Variants in UTRN observed in about 807,000 individuals in gnomAD.
UTRN encodes the protein utrophin, also known as dystrophin-related protein 1.
UTRN carries 283 observed loss-of-function variants against 463.9 expected under a neutral mutation model. The ratio of observed to expected loss-of-function variants is 0.61; its 90% CI spans 0.55 to 0.67. UTRN has a LOEUF of 0.67. UTRN is among the 30% of genes least tolerant of loss of function. The pLI is 0.00. For missense variants in UTRN, 3,922 were observed against 4,084.3 expected (o/e 0.96, Z 1.08); for synonymous variants, 1,442 against 1,431.5 (o/e 1.01, Z -0.17).
chr6:144,665,682 C>A (rs1227446813), intron 51 of UTRN, among the ~76,000 whole-genome samples: 1 of 152,202 alleles, frequency 6.6e-6, no homozygotes, highest in Non-Finnish European at 1.5e-5. Flanking sequence ...AGACTAACCA[C>A]TTATCAGTGA....
intron 53 of UTRN, among the ~76,000 whole-genome samples, chr6:144,701,828 A>T (rs1476753087): frequency 6.6e-6 from 1 of 152,194 alleles, no homozygotes; most frequent in Non-Finnish European, 1.5e-5. Context: ...TTGTGACTAG[A>T]TTATCAAAAT....
chr6:144,827,698 C>G (rs771342200), intron 68 of UTRN, 22 bp downstream of exon 68: 1 of 1,610,920 alleles, frequency 6.2e-7, no homozygotes, highest in Non-Finnish European at 8.5e-7. Context: ...TGATCAGAGC[C>G]CTCCACTGCA....
At chr6:144,670,848 A>G (rs7748622) in intron 51 of UTRN, among the ~76,000 whole-genome samples, 2,244 of 152,216 alleles carry the variant, frequency 0.015, 45 homozygotes, top group African/African-American at 0.05. Context: ...TCATTCTTCT[A>G]CATGTGGCTT....
chr6:144,744,317 T>C (rs1472382892), intron 54 of UTRN, among the ~76,000 whole-genome samples: 3 of 121,396 alleles, frequency 2.5e-5, no homozygotes, highest in African/African-American at 7.2e-5. Flanking sequence ...TATATATATA[T>C]ATATGTGTGT....
intron 2 of UTRN, among the ~76,000 whole-genome samples, chr6:144,340,146 G>A (rs193118364): frequency 2.4e-4 from 36 of 152,258 alleles, no homozygotes; most frequent in East Asian, 1.3e-3. Context: ...CAGCCTGGGC[G>A]ACATAACAAG....
intron 47 of UTRN, 92 bp downstream of exon 47, chr6:144,548,946 T>C (rs948354436): frequency 7.6e-7 from 1 of 1,309,368 alleles, no homozygotes; most frequent in Non-Finnish European, 1.0e-6. Flanking sequence ...TCCTAAACTA[T>C]GAGAGAATGA....
chr6:144,755,348 G>A (rs537071043), intron 57 of UTRN, among the ~76,000 whole-genome samples: 5 of 152,142 alleles, frequency 3.3e-5, no homozygotes, highest in African/African-American at 1.2e-4. Context: ...TTTTTCAACT[G>A]GAATTGATAA....
At chr6:144,346,378 G>T (rs1777570265) in intron 2 of UTRN, among the ~76,000 whole-genome samples, 1 of 152,082 alleles carries the variant, frequency 6.6e-6, no homozygotes, top group African/African-American at 2.4e-5. Context: ...AATAAAAATA[G>T]AAAACCAATG....
chr6:144,793,838 C>T lies in UTRN; in HGVS notation c.8925C>T (p.Leu2975=). The T allele has an allele frequency of 6.2e-7, 1 of 1,613,908 alleles. No homozygotes were observed. Among genetic ancestry groups the T allele is most frequent in the Non-Finnish European group, 8.5e-7 (1 of 1,179,886 alleles). Residue 2975 remains leucine, a synonymous_variant, in exon 63 of 75, where the codon CTC becomes CTT. Coordinates refer to ENST00000367545, the MANE Select transcript of UTRN (RefSeq NM_007124.3). ...ACCTCTTGCCTCTCTTTGCAGATCTCTTTAAGGAAGTTGCAGGGCCAACAG... is the reference window on the plus strand; with the variant it reads ...ACCTCTTGCCTCTCTTTGCAGATCTTTTTAAGGAAGTTGCAGGGCCAACAG... ...KGLLEEKYRY[L]FKEVAGPTEM...
chr6:144,436,161 C>A (rs1302798276), intron 10 of UTRN, 23 bp downstream of exon 10: 1 of 1,603,568 alleles, frequency 6.2e-7, no homozygotes, highest in Admixed American at 1.7e-5. Flanking sequence ...AGTTTCTTAG[C>A]AGGGTGTGTC....
intron 2 of UTRN, among the ~76,000 whole-genome samples, chr6:144,297,545 T>G (rs2114523061): frequency 6.6e-6 from 1 of 152,306 alleles, no homozygotes; most frequent in Middle Eastern, 3.4e-3. Context: ...CAAGGGACTG[T>G]GAAAAAATAG....
intron 34 of UTRN, among the ~76,000 whole-genome samples, chr6:144,506,638 C>T (rs1794715740): frequency 6.6e-6 from 1 of 152,202 alleles, no homozygotes; most frequent in South Asian, 2.1e-4. Context: ...CTGCATTAGT[C>T]TGATGGGCTT....
chr6:144,692,001 T>G (rs1783468779), intron 52 of UTRN, among the ~76,000 whole-genome samples: 2 of 152,196 alleles, frequency 1.3e-5, no homozygotes, highest in South Asian at 4.1e-4. Flanking sequence ...GCATTCAGCC[T>G]AGTACCCTAT....
rs12199176 is a variant in UTRN, at chr6:144,816,858, G to T, written c.9358-4024G>T. Among the ~76,000 whole-genome samples the T allele has an allele frequency of 1.1e-3, 174 of 151,472 alleles. 1 individual carries two copies. The highest frequency in any genetic ancestry group is 6.9e-4 in the Non-Finnish European group (47 of 67,894). ...GCCTCCCAAAGTGCTGGCATTACAG[G>T]TGTGAGCCACTGCATCCAGCCTATT... On this transcript the variant is annotated intron_variant, in intron 65 of 74. Transcript: ENST00000367545.
chr6:144,404,318 C>T (rs1188118910), intron 3 of UTRN, among the ~76,000 whole-genome samples: 3 of 152,200 alleles, frequency 2.0e-5, no homozygotes, highest in Non-Finnish European at 2.9e-5. Context: ...TTCCAAATCA[C>T]ATGCAGGTGT....
intron 2 of UTRN, among the ~76,000 whole-genome samples, chr6:144,395,861 T>A (rs1237864371): frequency 6.6e-6 from 1 of 152,198 alleles, no homozygotes; most frequent in East Asian, 1.9e-4. Context: ...GCTATACATT[T>A]TTTTTTAAAG....
intron 53 of UTRN, among the ~76,000 whole-genome samples, chr6:144,711,184 G>A (rs891847686): frequency 6.6e-6 from 1 of 151,844 alleles, no homozygotes; most frequent in Non-Finnish European, 1.5e-5. Context: ...TGTGGTGGCG[G>A]GTGCCTATCA....
chr6:144,457,752 A>C (rs1306110219), intron 19 of UTRN, among the ~76,000 whole-genome samples: 1 of 152,130 alleles, frequency 6.6e-6, no homozygotes, highest in East Asian at 1.9e-4. Flanking sequence ...TCAAAGTTGC[A>C]TTGTCTGTGG....
At chr6:144,513,798 C>T in intron 35 of UTRN, 111 bp from the exon 36 acceptor site, 1 of 1,270,370 alleles carries the variant, frequency 7.9e-7, no homozygotes, top group South Asian at 1.6e-5. Flanking sequence ...GAAAGCTCTC[C>T]TTTAAATTCA....
Sources: allele counts gnomAD v4.1 joint callset (sites outside exome capture counted in the v4.1 genomes callset), GRCh38; gene constraint gnomAD v4.1.1; transcripts MANE v1.5; gene names NCBI Gene and HGNC (gene_info 2026-07-23, HGNC 2026-07-21).